The following ANO2 variants were observed in gnomAD, a reference collection of about 807,000 sequenced individuals.
ANO2 encodes the protein anoctamin-2.
ANO2 carries 101 observed loss-of-function variants against 124.2 expected under a neutral mutation model. That is an observed-to-expected ratio of 0.81 (90% confidence interval 0.69 to 0.96). The LOEUF is 0.96. ANO2 is among the 40% of genes least tolerant of loss of function. The pLI, the probability that ANO2 is intolerant of heterozygous loss-of-function variation, is 0.00. For missense variants in ANO2, 1,293 were observed against 1,274.5 expected (o/e 1.01, Z -0.22); for synonymous variants, 486 against 482.5 (o/e 1.01, Z -0.09).
chr12:5,722,439 A>G (rs1318256592), intron 14 of ANO2, among the ~76,000 whole-genome samples: 3 of 152,296 alleles, frequency 2.0e-5, no homozygotes, highest in East Asian at 1.9e-4. Flanking sequence ...CCTGGGAGGC[A>G]GAACTTGCAG....
At chr12:5,915,847 C>T (rs1479130580) in intron 3 of ANO2, among the ~76,000 whole-genome samples, 4 of 152,352 alleles carry the variant, frequency 2.6e-5, no homozygotes, top group Admixed American at 6.5e-5. Flanking sequence ...TCACAGAATG[C>T]TGCCCCAAAG....
chr12:5,889,389 C>A (rs978217431), intron 3 of ANO2, among the ~76,000 whole-genome samples: 16 of 152,262 alleles, frequency 1.1e-4, no homozygotes, highest in African/African-American at 3.6e-4. Context: ...CACGCTGTCA[C>A]CTCTCAATTC....
chr12:5,896,251 C>A (rs532735142), intron 3 of ANO2, among the ~76,000 whole-genome samples: 219 of 152,108 alleles, frequency 1.4e-3, no homozygotes, highest in South Asian at 7.3e-3. Flanking sequence ...ACCACCTGTA[C>A]CACCAAAACT....
chr12:5,835,320 T>C (rs1438660437), intron 4 of ANO2, among the ~76,000 whole-genome samples: 1 of 152,144 alleles, frequency 6.6e-6, no homozygotes, highest in Non-Finnish European at 1.5e-5. Context: ...TGAAACTCAG[T>C]TGGGGCAAAC....
At chr12:5,722,886 G>A (rs1446289365) in intron 14 of ANO2, among the ~76,000 whole-genome samples, 3 of 152,200 alleles carry the variant, frequency 2.0e-5, no homozygotes, top group Non-Finnish European at 2.9e-5. Flanking sequence ...AAAGAGGTAG[G>A]TCCAGGGAGG....
chr12:5,727,798 C>T (rs1220448603), intron 14 of ANO2, among the ~76,000 whole-genome samples: 8 of 151,160 alleles, frequency 5.3e-5, no homozygotes, highest in African/African-American at 1.7e-4. Flanking sequence ...CCACCACGCC[C>T]GGCTACTTTT....
In ANO2 at chr12:5,862,823, T is replaced by G. The variant is rs1955313533; in HGVS notation, c.535-8682A>C. The stretch of plus-strand genomic sequence containing the variant: ...TTCTTTTTTTGAGACAAAATTTCGC[T>G]CTTGTTACCCAGGCTGGAGTGCAAT... On this transcript the variant is annotated intron_variant, in intron 3 of 24. Coordinates refer to ENST00000682330, the MANE Select transcript of ANO2 (RefSeq NM_001364791.2). The surrounding 1 kb of genome is among the most constrained non-coding windows in gnomAD (Gnocchi z 4.0). 6.6e-6 allele frequency among the ~76,000 whole-genome samples: 1 copy of G among 152,090 alleles called. No homozygotes were observed. The highest frequency in any genetic ancestry group is 2.1e-4 in the South Asian group (1 of 4,818).
intron 14 of ANO2, among the ~76,000 whole-genome samples, chr12:5,699,106 T>G (rs1241591247): frequency 1.3e-5 from 2 of 152,102 alleles, no homozygotes; most frequent in Admixed American, 6.5e-5. Context: ...ACAAAGGTAC[T>G]CCTCGAGAAG....
chr12:5,691,766 G>A (rs1396137131), intron 14 of ANO2, among the ~76,000 whole-genome samples: 1 of 152,144 alleles, frequency 6.6e-6, no homozygotes, highest in African/African-American at 2.4e-5. Flanking sequence ...AGCCAGGCAT[G>A]GTGGTGCATG....
At chr12:5,661,307 G>A (rs1019177910) in intron 14 of ANO2, among the ~76,000 whole-genome samples, 17 of 152,276 alleles carry the variant, frequency 1.1e-4, no homozygotes, top group African/African-American at 4.1e-4. Context: ...ACTGGAGAAC[G>A]GAACCTTAGA....
rs1941851212 is a variant in ANO2, at chr12:5,923,149, CATACACACACGCAT to C, written c.23-359_23-346del. Among the ~76,000 whole-genome samples, 5 of 118,880 alleles carry C rather than the reference CATACACACACGCAT, an allele frequency of 4.2e-5. 1 individual carries two copies. Among genetic ancestry groups the C allele is most frequent in the Non-Finnish European group, 7.3e-5 (4 of 54,900 alleles). 78.0% of individuals were successfully genotyped at this position (118,880 alleles called of 152,430 possible). On this transcript the variant is annotated intron_variant, in intron 1 of 24. Transcript: ENST00000682330. The stretch of plus-strand genomic sequence containing the variant: ...ACACCCACATACACACACATGCACA[CATACACACACGCAT>C]ACACACACACGCACACACACATACA...
At chr12:5,898,486 A>G (rs1326094439) in intron 3 of ANO2, among the ~76,000 whole-genome samples, 2 of 152,248 alleles carry the variant, frequency 1.3e-5, no homozygotes, top group Admixed American at 1.3e-4. Context: ...AAACAACCCT[A>G]ACGTCCATCA....
At chr12:5,601,643 C>T (rs929093709) in intron 19 of ANO2, among the ~76,000 whole-genome samples, 13 of 152,068 alleles carry the variant, frequency 8.5e-5, no homozygotes, top group Non-Finnish European at 1.0e-4. Context: ...AATCAGACGA[C>T]GTGTTCAAAT....
At chr12:5,640,594 C>A (rs1310531032) in intron 15 of ANO2, among the ~76,000 whole-genome samples, 2 of 152,174 alleles carry the variant, frequency 1.3e-5, no homozygotes, top group African/African-American at 2.4e-5. Flanking sequence ...CAAAAGAAGA[C>A]ATTTATGCAG....
At chr12:5,698,220 C>A (rs1041494152) in intron 14 of ANO2, among the ~76,000 whole-genome samples, 3 of 152,242 alleles carry the variant, frequency 2.0e-5, no homozygotes, top group Non-Finnish European at 2.9e-5. Flanking sequence ...TGACACCTCA[C>A]ATGGCTGGGT....
At chr12:5,723,042 T>C (rs1270221517) in intron 14 of ANO2, among the ~76,000 whole-genome samples, 1 of 152,216 alleles carries the variant, frequency 6.6e-6, no homozygotes, top group Non-Finnish European at 1.5e-5. Context: ...CAACACACTG[T>C]GGGTACACTG....
chr12:5,579,319 T>C (rs1458937229), intron 20 of ANO2, among the ~76,000 whole-genome samples: 1 of 152,180 alleles, frequency 6.6e-6, no homozygotes, highest in Non-Finnish European at 1.5e-5. Flanking sequence ...GTACTAGTGA[T>C]AGAGAAGGCC....
At chr12:5,670,560 G>A (rs1947947186) in intron 14 of ANO2, among the ~76,000 whole-genome samples, 1 of 151,968 alleles carries the variant, frequency 6.6e-6, no homozygotes, top group East Asian at 1.9e-4. Flanking sequence ...TTAGAGATGG[G>A]GTCTCACTCT....
chr12:5,776,987 G>A (rs1344215818), intron 10 of ANO2, among the ~76,000 whole-genome samples: 2 of 152,188 alleles, frequency 1.3e-5, no homozygotes, highest in Non-Finnish European at 2.9e-5. Flanking sequence ...GAAGGGTCAC[G>A]AACCCTCCAT....
Sources: gnomAD v4.1 joint callset for allele counts (sites outside exome capture counted in the v4.1 genomes callset) on GRCh38, gnomAD v4.1.1 for gene constraint, Gnocchi (gnomAD v3.1) non-coding constraint, MANE v1.5 for transcripts, NCBI Gene and HGNC (gene_info 2026-07-23, HGNC 2026-07-21) for gene names.